Variants in TNXB observed in about 807,000 individuals in gnomAD.
The protein encoded by TNXB is tenascin XB.
A neutral mutation model predicts 340.5 loss-of-function variants in TNXB; 183 were observed. The observed-to-expected ratio is 0.54, with a 90% CI of 0.48 to 0.61. The LOEUF (loss-of-function observed/expected upper bound fraction) is 0.61. TNXB is among the 20% of genes least tolerant of loss of function. The probability of loss-of-function intolerance (pLI) is 0.00; values close to 1 mark genes in which losing one functional copy is unlikely to be tolerated. For missense variants in TNXB, 4,613 were observed against 5,446.4 expected (o/e 0.85, Z 4.82); for synonymous variants, 2,121 against 2,314.5 (o/e 0.92, Z 2.40).
chr6:32,063,515 G>GAAAC (rs1778155417), intron 19 of TNXB, among the ~76,000 whole-genome samples: 2 of 152,140 alleles, frequency 1.3e-5, no homozygotes, highest in Non-Finnish European at 2.9e-5. Context: ...AGCATTTTTA[G>GAAAC]AAACCAACTT....
In TNXB at chr6:32,058,104, G is replaced by A; in HGVS notation, c.7779C>T (p.Leu2593=). The change falls in exon 22 of 44, where the codon CTC becomes CTT. Residue 2593 remains leucine, a synonymous_variant. Transcript: ENST00000644971. The surrounding 1 kb of genome is among the most constrained non-coding windows in gnomAD (Gnocchi z 5.1). ...CCGGGCCCAGGCGCCGCCCCTCGTG[G>A]AGGCCGTACAGGTGCATCTTGTACT... ...GRKYKMHLYG[L]HEGRRLGPVS... 6.2e-7 allele frequency: 1 copy of A among 1,612,190 alleles called. No individual in the cohort carries two copies. Among genetic ancestry groups the A allele is most frequent in the Non-Finnish European group, 8.5e-7 (1 of 1,179,366 alleles).
Position 32,096,430 on chromosome 6 carries a change from G to A in TNXB, c.1423C>T (p.Arg475Cys), listed in dbSNP as rs750137012. Residue 475 changes from arginine (R) to cysteine (C), a missense_variant, in exon 3 of 44, where the codon CGC becomes TGC. Arg to Cys is a radical substitution (Grantham distance 180). Around this residue, in one of 7 missense-constraint regions of TNXB, gnomAD observed 4,327 missense variants for 4,859.4 expected, o/e 0.89. Coordinates refer to ENST00000644971, the MANE Select transcript of TNXB (RefSeq NM_001365276.2). ...SCPGDCRGRG[R>C]CESGRCMCWP... Reference sequence around the variant, plus strand: ...CACATGCAGCGGCCACTCTCACAGCGGCCCCGGCCACGACAGTCCCCAGGA... The same window carrying A: ...CACATGCAGCGGCCACTCTCACAGCAGCCCCGGCCACGACAGTCCCCAGGA... The A allele has an allele frequency of 6.3e-6, 10 of 1,594,454 alleles. No individual in the cohort carries two copies. In the East Asian group the frequency reaches 2.0e-4, roughly 32 times the overall value.
Position 32,069,471 on chromosome 6 carries a change from A to C in TNXB, c.5587+82T>G. The C allele has an allele frequency of 7.0e-7, 1 of 1,428,632 alleles. No individual in the cohort carries two copies. Among genetic ancestry groups the C allele is most frequent in the Non-Finnish European group, 9.3e-7 (1 of 1,072,500 alleles). 88.5% of individuals were successfully genotyped at this position (1,428,632 alleles called of 1,614,324 possible). On this transcript the variant is annotated intron_variant, in intron 15 of 43. Transcript: ENST00000644971. The surrounding 1 kb of genome is among the most constrained non-coding windows in gnomAD (Gnocchi z 6.2). ...TCAATGGAAATGATATAAAATGGGAAGCTCAGAGATCTTATGGCTCAGTCA... is the reference window on the plus strand; with the variant it reads ...TCAATGGAAATGATATAAAATGGGACGCTCAGAGATCTTATGGCTCAGTCA...
intron 4 of TNXB, among the ~76,000 whole-genome samples, chr6:32,091,907 G>C (rs1429338285): frequency 6.6e-6 from 1 of 152,178 alleles, no homozygotes; most frequent in African/African-American, 2.4e-5. Context: ...CTAGACCCAA[G>C]CAAAAACTTC....
At chr6:32,050,771 AG>A (rs1168024499) in intron 26 of TNXB, among the ~76,000 whole-genome samples, 1 of 151,704 alleles carries the variant, frequency 6.6e-6, no homozygotes, top group Non-Finnish European at 1.5e-5. Flanking sequence ...CTCTCCCCCG[AG>A]TTTCCCTGGA....
In TNXB at chr6:32,097,301, C is replaced by T; in HGVS notation, c.552G>A (p.Ser184=). 4 of 1,613,532 alleles carry T rather than the reference C, an allele frequency of 2.5e-6. No individual in the cohort carries two copies. The highest frequency in any genetic ancestry group is 1.3e-5 in the African/African-American group (1 of 75,030). ...CATTGCAGTCATCTGGGCAGGACCC[C>T]GAGGCTGAGGGTGGGGAAGAGGGAG... ...EIPPSSPPSA[S]GSCPDDCNDQ... Residue 184 remains serine, a synonymous_variant, in exon 3 of 44, where the codon TCG becomes TCA. Coordinates refer to ENST00000644971, the MANE Select transcript of TNXB (RefSeq NM_001365276.2). This position sits in a 1 kb window ranked among gnomAD's most constrained non-coding sequence, Gnocchi z 5.9.
In TNXB at chr6:32,073,742, A is replaced by G. The variant is rs1778909961; in HGVS notation, c.4586T>C (p.Val1529Ala). The change falls in exon 12 of 44, where the codon GTC (valine) becomes GCC (alanine). Residue 1529 changes from valine to alanine, a missense_variant. This residue lies in a region of TNXB where 4,327 missense variants were observed against 4,859.4 expected (regional missense o/e 0.89). Coordinates refer to ENST00000644971, the MANE Select transcript of TNXB (RefSeq NM_001365276.2). This position sits in a 1 kb window ranked among gnomAD's most constrained non-coding sequence, Gnocchi z 4.6. The stretch of plus-strand genomic sequence containing the variant: ...TTTTCTCTCAGGCTCCAGGTTGTAG[A>G]CTGTGACCTCTCGCTGGTCTGCCGC... ...PVAADQREVT[V>A]YNLEPERKYK... The G allele has an allele frequency of 3.1e-6, 5 of 1,612,016 alleles. No homozygotes were observed. Among genetic ancestry groups the G allele is most frequent in the Non-Finnish European group, 4.2e-6 (5 of 1,179,430 alleles).
chr6:32,058,011 A>G lies in TNXB; in HGVS notation c.7825+47T>C, dbSNP rs1156664945. 6.4e-6 allele frequency: 10 copies of G among 1,553,294 alleles called. No individual in the cohort carries two copies. Among genetic ancestry groups the G allele is most frequent in the Non-Finnish European group, 8.7e-6 (10 of 1,152,404 alleles). On this transcript the variant is annotated intron_variant, in intron 22 of 43. Transcript: ENST00000644971. This position sits in a 1 kb window ranked among gnomAD's most constrained non-coding sequence, Gnocchi z 5.1. ...ATAGGAAAATGGTAGAGAAGGGCAC[A>G]TTTTCTAGGGCTGTCTTCCAACCCT... is the stretch of plus-strand genomic sequence containing the variant.
In TNXB at chr6:32,049,963, C is replaced by T. The variant is rs753764373; in HGVS notation, c.9439+35G>A. 2.8e-4 allele frequency: 448 copies of T among 1,610,860 alleles called. 3 individuals carry two copies. The highest frequency in any genetic ancestry group is 1.3e-3 in the Middle Eastern group (8 of 6,048). ...CAAAGAGCAAGAGGTGGCCCTCCCA[C>T]AGCTCCCACCCTGGGGCTCCCATCA... On this transcript the variant is annotated intron_variant, in intron 27 of 43. Transcript: ENST00000644971. The surrounding 1 kb of genome is among the most constrained non-coding windows in gnomAD (Gnocchi z 4.5).
rs1317211178 is a variant in TNXB at position 32,108,702 on chromosome 6, G to T, written c.-9+479C>A. Among the ~76,000 whole-genome samples the T allele has an allele frequency of 6.6e-6, 1 of 152,056 alleles. No homozygotes were observed. Among genetic ancestry groups the T allele is most frequent in the Non-Finnish European group, 1.5e-5 (1 of 67,988 alleles). On this transcript the variant is annotated intron_variant, in intron 1 of 43. Coordinates refer to ENST00000644971, the MANE Select transcript of TNXB (RefSeq NM_001365276.2). The surrounding 1 kb of genome is among the most constrained non-coding windows in gnomAD (Gnocchi z 4.8). ...GAAGCACCCTCTGGCACCTCCTGGA[G>T]CCTGGAGCCCCCAGAGCCTGGGCTC...
chr6:32,069,542 C>T lies in TNXB; in HGVS notation c.5587+11G>A, dbSNP rs749378228. On this transcript the variant is annotated intron_variant, in intron 15 of 43. Coordinates refer to ENST00000644971, the MANE Select transcript of TNXB (RefSeq NM_001365276.2). This position sits in a 1 kb window ranked among gnomAD's most constrained non-coding sequence, Gnocchi z 6.2. ...AAGGAGGCACAGGTGTTCCAGCTGCCGCACACTCACCAGTAATGGCGACGG... is the reference window on the plus strand; with the variant it reads ...AAGGAGGCACAGGTGTTCCAGCTGCTGCACACTCACCAGTAATGGCGACGG... The T allele has an allele frequency of 1.5e-5, 23 of 1,548,040 alleles. No individual in the cohort carries two copies. The highest frequency in any genetic ancestry group is 7.4e-5 in the Admixed American group (4 of 54,274).
At position 32,068,853 on chromosome 6, in the gene TNXB, A is replaced by G. The variant is rs1327660459; in HGVS notation, c.5871T>C (p.His1957=). 1 of 1,611,458 alleles carries G rather than the reference A, an allele frequency of 6.2e-7. No homozygotes were observed. Among genetic ancestry groups the G allele is most frequent in the East Asian group, 2.2e-5 (1 of 44,854 alleles). ...VTLYGFSDGK[H]VGPVHVEALT... ...GGGCCTCGACATGGACAGGACCTAC[A>G]TGCTTCCCATCACTGAAACCATACA... The change falls in exon 16 of 44, where the codon CAT becomes CAC. Residue 1957 remains histidine (H), a synonymous_variant. Coordinates refer to ENST00000644971, the MANE Select transcript of TNXB (RefSeq NM_001365276.2). The surrounding 1 kb of genome is among the most constrained non-coding windows in gnomAD (Gnocchi z 5.3).
intron 1 of TNXB, among the ~76,000 whole-genome samples, chr6:32,100,564 C>CA (rs1780664596): frequency 6.6e-6 from 1 of 151,834 alleles, no homozygotes; most frequent in Non-Finnish European, 1.5e-5. Context: ...TCTGTCTCTA[C>CA]AAAAAACAAA....
intron 1 of TNXB, among the ~76,000 whole-genome samples, chr6:32,102,937 C>A (rs1258700385): frequency 6.6e-6 from 1 of 151,548 alleles, no homozygotes; most frequent in African/African-American, 2.4e-5. Context: ...AACAAAAAAA[C>A]AAACAAAAAC....
At chr6:32,105,742 G>A (rs1780946361) in intron 1 of TNXB, among the ~76,000 whole-genome samples, 1 of 152,160 alleles carries the variant, frequency 6.6e-6, no homozygotes, top group Non-Finnish European at 1.5e-5. Context: ...GATGGTACAA[G>A]CACTTTGGAA....
chr6:32,055,751 G>A (rs1167558931), intron 24 of TNXB, 100 bp downstream of exon 24: 7 of 1,487,150 alleles, frequency 4.7e-6, no homozygotes, highest in South Asian at 2.7e-5. Flanking sequence ...GCATGGAAAC[G>A]TGCAAAAGAA....
At chr6:32,103,893 A>G (rs1173549297) in intron 1 of TNXB, among the ~76,000 whole-genome samples, 2 of 151,752 alleles carry the variant, frequency 1.3e-5, no homozygotes, top group Non-Finnish European at 1.5e-5. Flanking sequence ...TACCACACCT[A>G]GCTAATTTTT....
chr6:32,101,103 T>A (rs28993465), intron 1 of TNXB, among the ~76,000 whole-genome samples: 33 of 102,842 alleles, frequency 3.2e-4, no homozygotes, highest in Admixed American at 6.2e-4. Flanking sequence ...AAAAAAAAAA[T>A]CTCTGCAAAA....
At position 32,082,404 on chromosome 6, in the gene TNXB, T is replaced by C; in HGVS notation, c.3446-78A>G. 1.4e-6 allele frequency: 2 copies of C among 1,399,426 alleles called. No individual in the cohort carries two copies. Among genetic ancestry groups the C allele is most frequent in the Non-Finnish European group, 1.9e-6 (2 of 1,031,992 alleles). 86.7% of individuals were successfully genotyped at this position (1,399,426 alleles called of 1,614,324 possible). A position where few individuals can be genotyped will look rare whatever the true frequency, so the allele number is the denominator to read the frequency against. ...GAAGCCAAATCCCACATAGGAATGCTGTGTGAGGCTGTGCAGGTTGTTCAC... is the reference window on the plus strand; with the variant it reads ...GAAGCCAAATCCCACATAGGAATGCCGTGTGAGGCTGTGCAGGTTGTTCAC... On this transcript the variant is annotated intron_variant, in intron 8 of 43. Coordinates refer to ENST00000644971, the MANE Select transcript of TNXB (RefSeq NM_001365276.2). This position sits in a 1 kb window ranked among gnomAD's most constrained non-coding sequence, Gnocchi z 5.0.
Sources: gnomAD v4.1 joint callset for allele counts (sites outside exome capture counted in the v4.1 genomes callset) on GRCh38, gnomAD v4.1.1 for gene constraint, gnomAD v4.1.1 regional missense constraint, Gnocchi (gnomAD v3.1) non-coding constraint, MANE v1.5 for transcripts, NCBI Gene and HGNC (gene_info 2026-07-23, HGNC 2026-07-21) for gene names.